SAMMSON: variants seen among roughly 807,000 people sequenced by gnomAD.
SAMMSON encodes the protein long intergenic non-protein coding RNA 1212.
At position 70,045,516 on chromosome 3, in the gene SAMMSON, T is replaced by C. The variant is rs545631431; in HGVS notation, n.418-25960T>C. ...GCCCTGCCACCATTAATATATTTTT[T>C]TTTCATCCAACCCCCTTTTTCTTTG... is the stretch of plus-strand genomic sequence containing the variant. On this transcript the variant is annotated intron_variant and non_coding_transcript_variant, in intron 3 of 9. Transcript: ENST00000642114. Among the ~76,000 whole-genome samples the C allele has an allele frequency of 1.1e-3, 170 of 151,884 alleles. 2 individuals are homozygous for C. Among genetic ancestry groups the C allele is most frequent in the African/African-American group, 4.1e-3 (168 of 41,464 alleles).
At chr3:70,190,491 C>T (rs772311663) in intron 4 of SAMMSON, among the ~76,000 whole-genome samples, 1 of 152,198 alleles carries the variant, frequency 6.6e-6, no homozygotes, top group Admixed American at 6.5e-5. Context: ...CTAGGTCTTA[C>T]CTGAAGTTGG....
intron 7 of SAMMSON, among the ~76,000 whole-genome samples, chr3:70,353,217 A>C (rs2106735892): frequency 6.6e-6 from 1 of 152,156 alleles, no homozygotes; most frequent in Middle Eastern, 3.5e-3. Context: ...GTAAAACAAA[A>C]ACTGTTCTCT....
rs1491163845 is a variant in SAMMSON, at chr3:70,028,181, TCC to T, written n.417+14510_417+14511del. On this transcript the variant is annotated intron_variant and non_coding_transcript_variant, in intron 3 of 9. Coordinates refer to ENST00000642114, the Ensembl canonical transcript of SAMMSON. ...TTCCTTCCTTCCTTCCTTCCTTCCT[TCC>T]TTCCTTTCTTTCTTTCTTTCTCTCT... Among the ~76,000 whole-genome samples the T allele has an allele frequency of 7.9e-3, 596 of 75,468 alleles. 5 individuals are homozygous for T. Among genetic ancestry groups the T allele is most frequent in the South Asian group, 0.051 (92 of 1,820 alleles). The allele number at this position is 75,468 out of a possible 152,430, so 49.5% of individuals were successfully genotyped here.
intron 9 of SAMMSON, among the ~76,000 whole-genome samples, chr3:70,376,514 A>C (rs1475486274): frequency 2.0e-5 from 3 of 152,170 alleles, no homozygotes; most frequent in African/African-American, 4.8e-5. Context: ...ATTTGATTGA[A>C]TCCATCAGAC....
In SAMMSON at chr3:70,164,098, G is replaced by A. The variant is rs9867928; in HGVS notation, n.508-85009G>A. 7.9e-3 allele frequency among the ~76,000 whole-genome samples: 1,199 copies of A among 152,048 alleles called. 15 individuals carry two copies. Among genetic ancestry groups the A allele is most frequent in the African/African-American group, 0.028 (1,148 of 41,494 alleles). On this transcript the variant is annotated intron_variant and non_coding_transcript_variant, in intron 4 of 9. Coordinates refer to ENST00000642114, the Ensembl canonical transcript of SAMMSON. ...GCAGTGATTGTGCTGATGGATTTAGGTTCATAAAAAGCCTAGTTTTTATTA... is the reference window on the plus strand; with the variant it reads ...GCAGTGATTGTGCTGATGGATTTAGATTCATAAAAAGCCTAGTTTTTATTA...
At chr3:70,091,706 A>G (rs2067305449) in intron 4 of SAMMSON, among the ~76,000 whole-genome samples, 1 of 152,122 alleles carries the variant, frequency 6.6e-6, no homozygotes, top group Non-Finnish European at 1.5e-5. Flanking sequence ...TGACAGGCAA[A>G]TATTTGGTGA....
intron 1 of SAMMSON, among the ~76,000 whole-genome samples, chr3:70,007,296 C>T (rs938909187): frequency 3.3e-5 from 5 of 152,156 alleles, no homozygotes; most frequent in African/African-American, 9.7e-5. Context: ...TCTCCACATC[C>T]TCTCCAGCAC....
intron 7 of SAMMSON, among the ~76,000 whole-genome samples, chr3:70,353,662 G>C (rs1158085032): frequency 6.6e-6 from 1 of 152,114 alleles, no homozygotes; most frequent in African/African-American, 2.4e-5. Context: ...AAAACAGTTT[G>C]GTAGTTTCCT....
intron 4 of SAMMSON, among the ~76,000 whole-genome samples, chr3:70,190,765 T>A (rs1701126425): frequency 6.6e-6 from 1 of 152,190 alleles, no homozygotes; most frequent in African/African-American, 2.4e-5. Flanking sequence ...GGTGTATACA[T>A]TCTAAGGGAT....
At position 70,134,313 on chromosome 3, in the gene SAMMSON, T is replaced by TAGAA. The variant is rs2067496937; in HGVS notation, n.507+62750_507+62751insAAAG. Among the ~76,000 whole-genome samples, 5 of 150,116 alleles carry TAGAA rather than the reference T, an allele frequency of 3.3e-5. No homozygotes were observed. In the South Asian group the frequency reaches 1.0e-3, roughly 31 times the overall value. On this transcript the variant is annotated intron_variant and non_coding_transcript_variant, in intron 4 of 9. Coordinates refer to ENST00000642114, the Ensembl canonical transcript of SAMMSON. ...TGTATGTGAAGAAGTTTGTGCCCAG[T>TAGAA]AGTGTTCCTGATACATAGAAAGTAT...
rs182839516 is a variant in SAMMSON, at chr3:70,084,138, C to T, written n.507+12573C>T. Among the ~76,000 whole-genome samples, 15 of 152,278 alleles carry T rather than the reference C, an allele frequency of 9.9e-5. No homozygotes were observed. In the East Asian group the frequency reaches 1.4e-3, roughly 14 times the overall value. ...CTTTCACATCAGGATGCCCATCACA[C>T]GCCTCTTTCTCACTTTTTTTGTGTG... is the stretch of plus-strand genomic sequence containing the variant. On this transcript the variant is annotated intron_variant and non_coding_transcript_variant, in intron 4 of 9. Coordinates refer to ENST00000642114, the Ensembl canonical transcript of SAMMSON.
chr3:70,419,159 G>T (rs1004404369), intron 2 of SAMMSON, among the ~76,000 whole-genome samples: 1 of 151,642 alleles, frequency 6.6e-6, no homozygotes, highest in Non-Finnish European at 1.5e-5. Flanking sequence ...TGAGTAACTG[G>T]GACTACAGGT....
intron 7 of SAMMSON, among the ~76,000 whole-genome samples, chr3:70,313,490 A>AT (rs1269776678): frequency 1.3e-5 from 2 of 152,068 alleles, no homozygotes; most frequent in African/African-American, 4.8e-5. Flanking sequence ...AGGAAAAAAA[A>AT]AAAAGGAAAA....
chr3:70,252,756 G>A (rs1701781373), intron 6 of SAMMSON, among the ~76,000 whole-genome samples: 1 of 151,990 alleles, frequency 6.6e-6, no homozygotes, highest in African/African-American at 2.4e-5. Flanking sequence ...ATACATCAGT[G>A]AACAAAACAA....
chr3:70,091,859 A>C (rs565736773), intron 4 of SAMMSON, among the ~76,000 whole-genome samples: 85 of 151,804 alleles, frequency 5.6e-4, no homozygotes, highest in African/African-American at 1.9e-3. Flanking sequence ...GGGTTCTCAG[A>C]AGGAATAATA....
intron 2 of SAMMSON, among the ~76,000 whole-genome samples, chr3:70,423,450 A>G (rs948864652): frequency 6.6e-6 from 1 of 152,138 alleles, no homozygotes; most frequent in Non-Finnish European, 1.5e-5. Flanking sequence ...CCAAGCACTT[A>G]GGCATGGAGA....
At chr3:70,018,531 G>C (rs1211994974) in intron 3 of SAMMSON, among the ~76,000 whole-genome samples, 3 of 152,174 alleles carry the variant, frequency 2.0e-5, no homozygotes, top group Admixed American at 6.5e-5. Flanking sequence ...CAAAAAACCA[G>C]CTCCTGGATT....
At chr3:70,191,684 A>G (rs1320234502) in intron 4 of SAMMSON, among the ~76,000 whole-genome samples, 2 of 152,148 alleles carry the variant, frequency 1.3e-5, no homozygotes, top group African/African-American at 4.8e-5. Flanking sequence ...TGATATAGCC[A>G]TAGTATTTTT....
At position 70,349,165 on chromosome 3, in the gene SAMMSON, G is replaced by A. The variant is rs578235765; in HGVS notation, n.740-5010G>A. Among the ~76,000 whole-genome samples the A allele has an allele frequency of 1.8e-4, 27 of 152,128 alleles. No individual in the cohort carries two copies. The East Asian group carries it at 4.1e-3, about 23-fold the overall frequency. ...CGAGGTGGGAGGATCACCCAAGGTC[G>A]GGATTTGAGACCAGCCTGGCCAACA... On this transcript the variant is annotated intron_variant and non_coding_transcript_variant, in intron 7 of 9. Coordinates refer to ENST00000642114, the Ensembl canonical transcript of SAMMSON.
Sources: gnomAD v4.1 joint callset for allele counts (sites outside exome capture counted in the v4.1 genomes callset) on GRCh38, gnomAD v4.1.1 for gene constraint, MANE v1.5 for transcripts, NCBI Gene and HGNC (gene_info 2026-07-23, HGNC 2026-07-21) for gene names.